The following IARS1 variants were observed in gnomAD, a reference collection of about 807,000 sequenced individuals.
The protein encoded by IARS1 is isoleucyl-tRNA synthetase 1, also known as isoleucine--tRNA ligase, cytoplasmic.
A neutral mutation model predicts 168.2 loss-of-function variants in IARS1; 124 were observed. That is an observed-to-expected ratio of 0.74 (90% CI 0.64 to 0.86). IARS1 has a LOEUF of 0.86. Ranked by LOEUF, IARS1 falls within the 40% of genes least tolerant of loss-of-function variation. IARS1 has a pLI of 0.00. For missense variants in IARS1, 1,452 were observed against 1,515.8 expected (o/e 0.96, Z 0.70); for synonymous variants, 532 against 529.4 (o/e 1.00, Z -0.07).
chr9:92,278,316 G>T (rs757490077), intron 7 of IARS1, 30 bp from the exon 8 acceptor site: 5 of 1,467,596 alleles, frequency 3.4e-6, no homozygotes, highest in Non-Finnish European at 4.8e-6. Flanking sequence ...CATGGACTTG[G>T]GTTATATTCT....
chr9:92,293,461 T>C (rs753768450), intron 1 of IARS1, 150 bp downstream of exon 1: 4 of 532,508 alleles, frequency 7.5e-6, no homozygotes, highest in East Asian at 5.4e-5. Context: ...AAGGCGACCA[T>C]AAATTCCTGA....
chr9:92,270,077 C>T (rs923248422), intron 12 of IARS1, 94 bp from the exon 13 acceptor site: 1 of 734,414 alleles, frequency 1.4e-6, no homozygotes, highest in Admixed American at 2.0e-5. Flanking sequence ...ACAGCATCAT[C>T]ACTTACTTGG....
Position 92,278,212 on chromosome 9 carries a change from CAT to C in IARS1, c.818_819del (p.Tyr273Ter). 6.3e-7 allele frequency: 1 copy of C among 1,599,088 alleles called. No homozygotes were observed. Among genetic ancestry groups the C allele is most frequent in the Non-Finnish European group, 8.6e-7 (1 of 1,166,252 alleles). The part of the protein sequence containing the change: ...LSALYKLESD[Y>X]EILERFPGAY... Reference sequence around the variant, plus strand: ...TTGAATATTCACCTTTCAAGGATCTCATAGTCACTCTCCAATTTATAGAGGGC... The same window carrying C: ...TTGAATATTCACCTTTCAAGGATCTCAGTCACTCTCCAATTTATAGAGGGC... On this transcript the variant is annotated frameshift_variant, in exon 8 of 34. Transcript: ENST00000443024. LOFTEE classifies it high-confidence loss of function.
At chr9:92,288,324 CA>C (rs1564190532) in intron 2 of IARS1, 42 bp from the exon 3 acceptor site, 3 of 1,588,560 alleles carry the variant, frequency 1.9e-6, no homozygotes. Context: ...TAAAAACAGC[CA>C]AAATTTAAGG....
At chr9:92,235,161 C>G (rs1013937511) in intron 30 of IARS1, among the ~76,000 whole-genome samples, 58 of 152,180 alleles carry the variant, frequency 3.8e-4, no homozygotes, top group African/African-American at 1.3e-3. Flanking sequence ...TATGTATGTT[C>G]CTTATGATTT....
At chr9:92,276,416 C>T (rs1428325044) in intron 9 of IARS1, among the ~76,000 whole-genome samples, 5 of 152,112 alleles carry the variant, frequency 3.3e-5, no homozygotes, top group Admixed American at 6.6e-5. Context: ...GGGGAGGGCA[C>T]GTCCTAATTG....
intron 29 of IARS1, 49 bp downstream of exon 29, chr9:92,242,105 A>G: frequency 6.9e-7 from 1 of 1,449,428 alleles, no homozygotes; most frequent in Non-Finnish European, 9.6e-7. Context: ...ACAAAGTCAA[A>G]CCTAATCTGA....
At chr9:92,246,914 C>G (rs1409643828) in intron 26 of IARS1, among the ~76,000 whole-genome samples, 1 of 152,168 alleles carries the variant, frequency 6.6e-6, no homozygotes, top group Non-Finnish European at 1.5e-5. Flanking sequence ...AAAGGATGGA[C>G]CGGTGCAGTG....
chr9:92,278,875 A>C (rs1185175714), intron 7 of IARS1, among the ~76,000 whole-genome samples: 2 of 152,188 alleles, frequency 1.3e-5, no homozygotes, highest in Non-Finnish European at 2.9e-5. Context: ...AATTATTTCT[A>C]ACAAGTTGAC....
rs547772257 is a variant in IARS1, at chr9:92,258,957, A to G, written c.1913T>C (p.Leu638Pro). Residue 638 changes from leucine (L) to proline (P), a missense_variant, in exon 19 of 34, where the codon CTC becomes CCC. Transcript: ENST00000443024. ...INSPVVRAEN[L>P]RFKEEGVRDV... is the part of the protein sequence containing the mutation. ...CCGCACACCCTCTTCTTTAAAGCGG[A>G]GGTTTTCTGCTCTCACCACAGGGGA... is the stretch of plus-strand genomic sequence containing the variant. The G allele has an allele frequency of 8.1e-6, 13 of 1,613,794 alleles. No individual in the cohort carries two copies. In the South Asian group the frequency reaches 1.3e-4, roughly 16 times the overall value.
At chr9:92,283,484 A>G (rs1834961011) in intron 6 of IARS1, among the ~76,000 whole-genome samples, 1 of 152,014 alleles carries the variant, frequency 6.6e-6, no homozygotes, top group Non-Finnish European at 1.5e-5. Context: ...TCTCTACTAA[A>G]AATACAAAAC....
chr9:92,222,655 C>A lies in IARS1; in HGVS notation c.3571G>T (p.Val1191Leu), dbSNP rs202153931. The A allele has an allele frequency of 6.2e-7, 1 of 1,614,056 alleles. No homozygotes were observed. Among genetic ancestry groups the A allele is most frequent in the Non-Finnish European group, 8.5e-7 (1 of 1,179,992 alleles). Residue 1191 changes from valine to leucine, a missense_variant, in exon 33 of 34, where the codon GTG (valine) becomes TTG (leucine). Coordinates refer to ENST00000443024, the MANE Select transcript of IARS1 (RefSeq NM_002161.6). ...AKPQECLMGT[V>L]GTLLLENPLG... The stretch of plus-strand genomic sequence containing the variant: ...GGGTTTTCAAGCAGGAGAGTGCCCA[C>A]TGTCCCCATTAAACACTCTGTGGAA...
At chr9:92,242,812 G>A (rs1162159358) in intron 28 of IARS1, 1 of 212,444 alleles carries the variant, frequency 4.7e-6, no homozygotes, top group African/African-American at 2.3e-5. Context: ...ATATTCCTCA[G>A]CTCTCTAATA....
At chr9:92,229,495 A>G (rs1449993139) in intron 30 of IARS1, among the ~76,000 whole-genome samples, 2 of 152,038 alleles carry the variant, frequency 1.3e-5, no homozygotes, top group Admixed American at 6.6e-5. Context: ...AAACCTTTGT[A>G]TTCATGATTC....
At position 92,250,864 on chromosome 9, in the gene IARS1, T is replaced by C. The variant is rs1217759471; in HGVS notation, c.2308-30A>G. The C allele has an allele frequency of 3.2e-6, 5 of 1,570,980 alleles. No individual in the cohort carries two copies. In the East Asian group the frequency reaches 6.7e-5, roughly 21 times the overall value. On this transcript the variant is annotated intron_variant, in intron 22 of 33. Coordinates refer to ENST00000443024, the MANE Select transcript of IARS1 (RefSeq NM_002161.6). ...ATGAAGACACAGGACATCATGTCAG[T>C]TATATGCAGTCATCAACAACTGATC...
intron 25 of IARS1, among the ~76,000 whole-genome samples, chr9:92,248,064 T>G (rs542095511): frequency 6.6e-6 from 1 of 152,320 alleles, no homozygotes; most frequent in Admixed American, 6.5e-5. Context: ...GTTATGAAGA[T>G]CTATCAAGAC....
chr9:92,266,085 C>A (rs1445735321), intron 14 of IARS1, among the ~76,000 whole-genome samples: 1 of 152,204 alleles, frequency 6.6e-6, no homozygotes, highest in Non-Finnish European at 1.5e-5. Context: ...TGCCACTGCT[C>A]CTCTGTTTCC....
chr9:92,219,114 C>T lies in IARS1; in HGVS notation c.3706+3406G>A, dbSNP rs191902316. ...ACAGAACAGAGCCCCTCAGAAATAA[C>T]GCCACGTATCTACAACTATCTGATC... On this transcript the variant is annotated intron_variant, in intron 33 of 33. Coordinates refer to ENST00000443024, the MANE Select transcript of IARS1 (RefSeq NM_002161.6). Among the ~76,000 whole-genome samples, 979 of 152,138 alleles carry T rather than the reference C, an allele frequency of 6.4e-3. 8 individuals carry two copies. The highest frequency in any genetic ancestry group is 0.014 in the Middle Eastern group (4 of 292).
At chr9:92,216,397 G>A (rs1466421556) in intron 33 of IARS1, among the ~76,000 whole-genome samples, 2 of 148,664 alleles carry the variant, frequency 1.3e-5, no homozygotes, top group Non-Finnish European at 3.0e-5. Context: ...ACATCATAAT[G>A]ACAGGATCAA....
Sources: gnomAD v4.1 joint callset for allele counts (sites outside exome capture counted in the v4.1 genomes callset) on GRCh38, gnomAD v4.1.1 for gene constraint, MANE v1.5 for transcripts, NCBI Gene and HGNC (gene_info 2026-07-23, HGNC 2026-07-21) for gene names.